NUP107: variants seen among roughly 807,000 people sequenced by gnomAD.
NUP107 encodes the protein nucleoporin 107, also known as nuclear pore complex protein Nup107.
A neutral mutation model predicts 141.0 loss-of-function variants in NUP107; 101 were observed. That is an observed-to-expected ratio of 0.72 (90% CI 0.61 to 0.84). The LOEUF is 0.84. Ranked by LOEUF, NUP107 falls within the 40% of genes least tolerant of loss-of-function variation. The probability of loss-of-function intolerance (pLI) is 0.00; values close to 1 mark genes in which losing one functional copy is unlikely to be tolerated. For synonymous variants in NUP107, 319 were observed against 363.9 expected, an observed-to-expected ratio of 0.88 and a Z score of 1.41; for missense variants, 941 against 1,102.7, an observed-to-expected ratio of 0.85 and a Z score of 2.08.
chr12:68,727,952 T>A (rs1433483219), intron 20 of NUP107, among the ~76,000 whole-genome samples: 1 of 152,160 alleles, frequency 6.6e-6, no homozygotes, highest in African/African-American at 2.4e-5. Context: ...TGTATTCTTA[T>A]GATAATGTAA....
In NUP107 at chr12:68,732,738, G is replaced by C; in HGVS notation, c.2100G>C (p.Leu700Phe). 6.3e-7 allele frequency: 1 copy of C among 1,593,616 alleles called. No individual in the cohort carries two copies. Among genetic ancestry groups the C allele is most frequent in the Non-Finnish European group, 8.6e-7 (1 of 1,163,408 alleles). ...GCAATGCAATTATGAGAAAATTCTTGGGTATAGTATATTTTTATGCAGCTT... is the reference window on the plus strand; with the variant it reads ...GCAATGCAATTATGAGAAAATTCTTCGGTATAGTATATTTTTATGCAGCTT... ...KQGNAIMRKF[L>F]ASKKHEAAKE... Residue 700 changes from leucine to phenylalanine, a missense_variant and splice_region_variant, in exon 23 of 28, where the codon TTG (leucine) becomes TTC (phenylalanine). Leu to Phe is a conservative substitution (Grantham distance 22, BLOSUM62 0). Transcript: ENST00000229179.
At position 68,705,552 on chromosome 12, in the gene NUP107, A is replaced by T. The variant is rs1876537801; in HGVS notation, c.729+2768A>T. 1.2e-5 allele frequency: 3 copies of T among 249,692 alleles called. No individual in the cohort carries two copies. The South Asian group carries it at 1.4e-4, about 12-fold the overall frequency. 15.5% of individuals were successfully genotyped at this position (249,692 alleles called of 1,614,324 possible). On this transcript the variant is annotated intron_variant, in intron 8 of 27. Coordinates refer to ENST00000229179, the MANE Select transcript of NUP107 (RefSeq NM_020401.4). ...TTCTTTAAAAAAAAAAAAAAAAAAA[A>T]GAATCACCAAGAAGCAGCTTCTCTG...
At chr12:68,740,627 A>G (rs1270549167) in intron 26 of NUP107, among the ~76,000 whole-genome samples, 2 of 151,980 alleles carry the variant, frequency 1.3e-5, no homozygotes, top group Non-Finnish European at 2.9e-5. Flanking sequence ...ACATGAAGAT[A>G]CTTTTAGGTA....
At chr12:68,710,711 A>AT (rs1170546159) in intron 10 of NUP107, among the ~76,000 whole-genome samples, 1 of 151,948 alleles carries the variant, frequency 6.6e-6, no homozygotes, top group African/African-American at 2.4e-5. Flanking sequence ...AAATAACAAG[A>AT]TAAAAAAAGT....
At chr12:68,711,883 G>A (rs1378716109) in intron 10 of NUP107, among the ~76,000 whole-genome samples, 1 of 152,096 alleles carries the variant, frequency 6.6e-6, no homozygotes, top group Non-Finnish European at 1.5e-5. Flanking sequence ...GAATGACATG[G>A]TCCAATTTAT....
At chr12:68,718,369 T>A (rs1877199454) in intron 12 of NUP107, among the ~76,000 whole-genome samples, 1 of 152,128 alleles carries the variant, frequency 6.6e-6, no homozygotes, top group South Asian at 2.1e-4. Context: ...CCTAAAGGGA[T>A]GATGGAACAA....
chr12:68,713,916 C>A, intron 11 of NUP107, 108 bp downstream of exon 11: 1 of 771,822 alleles, frequency 1.3e-6, no homozygotes, highest in Non-Finnish European at 2.1e-6. Context: ...AAGGTTTGCA[C>A]ACACTAACAT....
At chr12:68,718,843 C>T (rs1394162838) in intron 12 of NUP107, among the ~76,000 whole-genome samples, 3 of 137,488 alleles carry the variant, frequency 2.2e-5, no homozygotes, top group Non-Finnish European at 4.8e-5. Flanking sequence ...AAATAGAATG[C>T]CATTATGTAT....
chr12:68,690,354 G>A, intron 3 of NUP107: 1 of 461,594 alleles, frequency 2.2e-6, no homozygotes, highest in Non-Finnish European at 3.9e-6. Context: ...TCCGTTGACT[G>A]ATTAGTGTCT....
intron 8 of NUP107, chr12:68,707,076 C>T (rs1592501873): frequency 1.8e-6 from 1 of 569,160 alleles, no homozygotes. Context: ...AAGTGAACAG[C>T]CGTGACAGCC....
chr12:68,700,341 C>T (rs2546524), intron 6 of NUP107, among the ~76,000 whole-genome samples: 47,987 of 152,024 alleles, frequency 0.32, 7,664 homozygotes, highest in Middle Eastern at 0.35. Context: ...TTTTCAAACA[C>T]AATTTTAAGA....
intron 8 of NUP107, chr12:68,706,983 G>GCACCAGCTC (rs2136014815): frequency 6.3e-6 from 4 of 636,220 alleles, no homozygotes; most frequent in East Asian, 5.4e-5. Context: ...TCCTTCAGCT[G>GCACCAGCTC]CACCAGCTCC....
At chr12:68,742,033 A>G in intron 27 of NUP107, 53 bp downstream of exon 27, 1 of 1,358,378 alleles carries the variant, frequency 7.4e-7, no homozygotes, top group Non-Finnish European at 1.0e-6. Context: ...TATGCTCTGT[A>G]GTAATATTAA....
intron 12 of NUP107, among the ~76,000 whole-genome samples, chr12:68,717,424 A>G (rs948684409): frequency 4.6e-5 from 7 of 152,076 alleles, no homozygotes; most frequent in African/African-American, 7.2e-5. Context: ...TTTACATACC[A>G]TGTAATTCAC....
At chr12:68,742,065 TTTGTAA>T in intron 27 of NUP107, 85 bp downstream of exon 27, 1 of 1,091,892 alleles carries the variant, frequency 9.2e-7, no homozygotes, top group Non-Finnish European at 1.3e-6. Flanking sequence ...TGTGTTTACA[TTTGTAA>T]TTGCTCTTGG....
At position 68,709,137 on chromosome 12, in the gene NUP107, G is replaced by C. The variant is rs569144172; in HGVS notation, c.730-101G>C. Reference sequence around the variant, plus strand: ...AATGTTTATGTATAGATGATTAACTGTACTTGTTTCATACTGGCTTTTTAT... The same window carrying C: ...AATGTTTATGTATAGATGATTAACTCTACTTGTTTCATACTGGCTTTTTAT... On this transcript the variant is annotated intron_variant, in intron 8 of 27. Transcript: ENST00000229179. 6.6e-6 allele frequency: 5 copies of C among 761,412 alleles called. No individual in the cohort carries two copies. In the African/African-American group the frequency reaches 8.9e-5, roughly 14 times the overall value. The allele number at this position is 761,412 out of a possible 1,614,324, so 47.2% of individuals were successfully genotyped here. A position where few individuals can be genotyped will look rare whatever the true frequency, so the allele number is the denominator to read the frequency against.
chr12:68,733,730 T>C (rs1286677849), intron 24 of NUP107, 118 bp downstream of exon 24: 1 of 974,388 alleles, frequency 1.0e-6, no homozygotes, highest in African/African-American at 1.6e-5. Context: ...CTCTTGTGAC[T>C]ATAGTGCTGA....
intron 5 of NUP107, 32 bp downstream of exon 5, chr12:68,692,144 C>A: frequency 6.5e-7 from 1 of 1,536,298 alleles, no homozygotes; most frequent in Non-Finnish European, 8.8e-7. Context: ...TGACAAGTAG[C>A]TTTTCACTTT....
rs1443041992 is a variant in NUP107, at chr12:68,743,259, G to GC, written c.*798dup. Reference sequence around the variant, plus strand: ...CTAAAAAAATACAAAAATTAGCCGGGCATGGTGGCAGGTGCCTGTAATCCC... The same window carrying GC: ...CTAAAAAAATACAAAAATTAGCCGGGCCATGGTGGCAGGTGCCTGTAATCCC... On this transcript the variant is annotated 3_prime_UTR_variant, in exon 28 of 28. Transcript: ENST00000229179. 6.6e-6 allele frequency: 1 copy of GC among 152,252 alleles called. No individual in the cohort carries two copies. The highest frequency in any genetic ancestry group is 1.5e-5 in the Non-Finnish European group (1 of 68,120). The allele number at this position is 152,252 out of a possible 1,614,324, so 9.4% of individuals were successfully genotyped here. A position where few individuals can be genotyped will look rare whatever the true frequency, so the allele number is the denominator to read the frequency against.
Sources: gnomAD v4.1 joint callset for allele counts (sites outside exome capture counted in the v4.1 genomes callset) on GRCh38, gnomAD v4.1.1 for gene constraint, MANE v1.5 for transcripts, NCBI Gene and HGNC (gene_info 2026-07-23, HGNC 2026-07-21) for gene names.